TSPAN8: variants seen among roughly 807,000 people sequenced by gnomAD.
TSPAN8 encodes tetraspanin-8.
TSPAN8 carries 21 observed loss-of-function variants against 32.8 expected under a neutral mutation model. The ratio of observed to expected loss-of-function variants is 0.64; its 90% CI spans 0.45 to 0.92. TSPAN8 has a LOEUF of 0.92. Ranked by LOEUF, TSPAN8 falls within the 40% of genes least tolerant of loss-of-function variation. The pLI is 0.00. For missense variants in TSPAN8, 269 were observed against 281.9 expected, an observed-to-expected ratio of 0.95 and a Z score of 0.33; for synonymous variants, 95 against 94.6, an observed-to-expected ratio of 1.00 and a Z score of -0.03.
At chr12:71,140,477 C>G (rs1436826329) in intron 3 of TSPAN8, among the ~76,000 whole-genome samples, 2 of 152,112 alleles carry the variant, frequency 1.3e-5, no homozygotes, top group African/African-American at 4.8e-5. Context: ...GCTTTGTATC[C>G]TCATTAAAAA....
At chr12:71,134,328 G>A (rs1233478545) in intron 6 of TSPAN8, among the ~76,000 whole-genome samples, 1 of 152,136 alleles carries the variant, frequency 6.6e-6, no homozygotes, top group Non-Finnish European at 1.5e-5. Flanking sequence ...TCAATGATTT[G>A]AATAAATAGA....
Position 71,157,762 on chromosome 12 carries a change from G to T in TSPAN8, c.-84C>A. On this transcript the variant is annotated 5_prime_UTR_variant, in exon 2 of 9. Transcript: ENST00000247829. ...CCTGCAATATGCTCTGGAGCAACTT[G>T]CCTGCAGAGATTTCTGTATCCACGG... The T allele has an allele frequency of 1.9e-6, 2 of 1,033,338 alleles. No homozygotes were observed. The highest frequency in any genetic ancestry group is 3.0e-6 in the Non-Finnish European group (2 of 662,278). The allele number at this position is 1,033,338 out of a possible 1,614,324, so 64.0% of individuals were successfully genotyped here.
At chr12:71,146,274 T>C (rs1872075548) in intron 2 of TSPAN8, among the ~76,000 whole-genome samples, 1 of 152,156 alleles carries the variant, frequency 6.6e-6, no homozygotes, top group African/African-American at 2.4e-5. Flanking sequence ...ATTTTAAAAA[T>C]GAAACAAATG....
chr12:71,132,210 C>A (rs771469896), intron 7 of TSPAN8, among the ~76,000 whole-genome samples: 1 of 152,130 alleles, frequency 6.6e-6, no homozygotes, highest in African/African-American at 2.4e-5. Context: ...CATAGAGAAC[C>A]TAAACCCTTA....
At chr12:71,136,771 C>T (rs1871710508) in intron 6 of TSPAN8, among the ~76,000 whole-genome samples, 2 of 152,110 alleles carry the variant, frequency 1.3e-5, no homozygotes, top group Non-Finnish European at 2.9e-5. Context: ...GTTCAAATTC[C>T]AACCCATCAC....
At chr12:71,139,106 T>C (rs1228627669) in intron 4 of TSPAN8, 2 of 456,032 alleles carry the variant, frequency 4.4e-6, no homozygotes, top group Non-Finnish European at 8.8e-6. Context: ...TAAACTTTTT[T>C]TTTAGCATGG....
intron 8 of TSPAN8, among the ~76,000 whole-genome samples, chr12:71,126,782 C>T (rs905649385): frequency 5.3e-5 from 8 of 150,172 alleles, no homozygotes; most frequent in African/African-American, 2.0e-4. Context: ...TTAATTAAAG[C>T]AAGGAAAGTG....
At chr12:71,153,545 A>T (rs2137062203) in intron 2 of TSPAN8, among the ~76,000 whole-genome samples, 2 of 152,368 alleles carry the variant, frequency 1.3e-5, no homozygotes, top group East Asian at 3.9e-4. Context: ...TTTGCAAGTT[A>T]TACCAGAAAG....
rs923691503 is a variant in TSPAN8 at position 71,130,891 on chromosome 12, A to C, written c.577-1477T>G. ...CATTCCATATTTTTTATTTTACCAG[A>C]CTTCTTGCAAATGACACATGGCAGA... On this transcript the variant is annotated intron_variant, in intron 7 of 8. Transcript: ENST00000247829. Among the ~76,000 whole-genome samples, 9 of 152,318 alleles carry C rather than the reference A, an allele frequency of 5.9e-5. No individual in the cohort carries two copies. The South Asian group carries it at 1.4e-3, about 25-fold the overall frequency.
rs557891190 is a variant in TSPAN8, at chr12:71,131,010, C to T, written c.577-1596G>A. Among the ~76,000 whole-genome samples the T allele has an allele frequency of 8.5e-5, 13 of 152,202 alleles. No individual in the cohort carries two copies. The South Asian group carries it at 1.5e-3, about 17-fold the overall frequency. On this transcript the variant is annotated intron_variant, in intron 7 of 8. Transcript: ENST00000247829. The stretch of plus-strand genomic sequence containing the variant: ...TGAATTATGTGTGAACTTACAGAAA[C>T]TATCTAATAGTTTTTTTAGAATAAT...
At chr12:71,143,359 C>T (rs1871964844) in intron 3 of TSPAN8, among the ~76,000 whole-genome samples, 1 of 152,176 alleles carries the variant, frequency 6.6e-6, no homozygotes, top group South Asian at 2.1e-4. Context: ...TCCCCCAACC[C>T]TTTCCACATT....
intron 2 of TSPAN8, among the ~76,000 whole-genome samples, chr12:71,149,117 G>C (rs1415794476): frequency 6.6e-6 from 1 of 152,098 alleles, no homozygotes; most frequent in African/African-American, 2.4e-5. Context: ...AGTTCATTCA[G>C]AGTAGAATGT....
chr12:71,144,487 T>A (rs1872009671), intron 2 of TSPAN8, among the ~76,000 whole-genome samples: 1 of 152,202 alleles, frequency 6.6e-6, no homozygotes, highest in Non-Finnish European at 1.5e-5. Flanking sequence ...AAAGATTATT[T>A]TTCCATGTAA....
chr12:71,144,087 C>T (rs1871992718), intron 3 of TSPAN8, 64 bp downstream of exon 3: 4 of 1,406,328 alleles, frequency 2.8e-6, no homozygotes, highest in South Asian at 2.5e-5. Context: ...ATTGTTATAA[C>T]TTTCATTATT....
chr12:71,129,735 T>G (rs1304470823), intron 7 of TSPAN8, among the ~76,000 whole-genome samples: 1 of 152,114 alleles, frequency 6.6e-6, no homozygotes. Context: ...TAATTTATAC[T>G]ATAAATTTTA....
intron 2 of TSPAN8, among the ~76,000 whole-genome samples, chr12:71,156,262 A>AC (rs1211636279): frequency 1.5e-5 from 1 of 68,868 alleles, no homozygotes; most frequent in African/African-American, 5.0e-5. Context: ...AAAAAAAAAA[A>AC]AAAAAACAAA....
rs370472870 is a variant in TSPAN8, at chr12:71,132,771, T to C, written c.498A>G (p.Gln166=). 7 of 1,614,022 alleles carry C rather than the reference T, an allele frequency of 4.3e-6. No homozygotes were observed. Among genetic ancestry groups the C allele is most frequent in the Non-Finnish European group, 5.9e-6 (7 of 1,179,966 alleles). The stretch of plus-strand genomic sequence containing the variant: ...GACAGGCACATAATTCAGGATAGTG[T>C]TGAAAATTATTTCCCCAATCAGCAG... The part of the protein sequence containing the change: ...NGAADWGNNF[Q]HYPELCACLD... Residue 166 remains glutamine, a synonymous_variant, in exon 7 of 9, where the codon CAA becomes CAG. Coordinates refer to ENST00000247829, the MANE Select transcript of TSPAN8 (RefSeq NM_004616.3).
intron 7 of TSPAN8, 102 bp from the exon 8 acceptor site, chr12:71,129,516 A>C: frequency 1.6e-6 from 2 of 1,225,798 alleles, no homozygotes; most frequent in Non-Finnish European, 2.2e-6. Context: ...ATTGCTATCA[A>C]GAAACACACT....
chr12:71,151,126 C>G (rs189413655), intron 2 of TSPAN8, among the ~76,000 whole-genome samples: 1 of 150,782 alleles, frequency 6.6e-6, no homozygotes, highest in Non-Finnish European at 1.5e-5. Flanking sequence ...TGCAGTGGCG[C>G]GATCTTGGCT....
Sources: allele counts gnomAD v4.1 joint callset (sites outside exome capture counted in the v4.1 genomes callset), GRCh38; gene constraint gnomAD v4.1.1; transcripts MANE v1.5; gene names NCBI Gene and HGNC (gene_info 2026-07-23, HGNC 2026-07-21).